GPC6: variants seen among roughly 807,000 people sequenced by gnomAD.
GPC6 encodes glypican-6.
Under a neutral mutation model 55.2 loss-of-function variants are expected in GPC6, and 14 were observed. The ratio of observed to expected loss-of-function variants is 0.25; its 90% CI spans 0.17 to 0.40. The LOEUF is 0.40. Among genes scored for constraint, GPC6 ranks in the 10% least tolerant of loss-of-function variants. The pLI, the probability that GPC6 is intolerant of heterozygous loss-of-function variation, is 1.00. For synonymous variants in GPC6, 278 were observed against 259.6 expected (o/e 1.07, Z -0.68); for missense variants, 641 against 708.5 (o/e 0.90, Z 1.08).
chr13:93,784,842 GAC>G (rs1189601788), intron 2 of GPC6, among the ~76,000 whole-genome samples: 1 of 152,164 alleles, frequency 6.6e-6, no homozygotes, highest in Non-Finnish European at 1.5e-5. Context: ...CCACAGCTGA[GAC>G]ACAGATTGTG....
At chr13:93,675,594 T>G (rs1265528779) in intron 2 of GPC6, among the ~76,000 whole-genome samples, 1 of 152,194 alleles carries the variant, frequency 6.6e-6, no homozygotes, top group East Asian at 1.9e-4. Flanking sequence ...ATCAGCCTTT[T>G]GCATACATTT....
chr13:94,216,913 T>C (rs1890242519), intron 4 of GPC6, among the ~76,000 whole-genome samples: 1 of 152,152 alleles, frequency 6.6e-6, no homozygotes, highest in Admixed American at 6.5e-5. Flanking sequence ...AGCTGAAGAA[T>C]TGGGATTTAA....
intron 1 of GPC6, among the ~76,000 whole-genome samples, chr13:93,248,865 C>G (rs1484009133): frequency 6.6e-6 from 1 of 152,178 alleles, no homozygotes; most frequent in African/African-American, 2.4e-5. Context: ...AGCTGATACG[C>G]CTAACACAAA....
Position 93,782,090 on chromosome 13 carries a change from C to G in GPC6, c.320-48064C>G, listed in dbSNP as rs117356366. Among the ~76,000 whole-genome samples the G allele has an allele frequency of 4.6e-3, 695 of 152,162 alleles. 5 individuals are homozygous for G. The highest frequency in any genetic ancestry group is 0.018 in the South Asian group (87 of 4,808). On this transcript the variant is annotated intron_variant, in intron 2 of 8. Coordinates refer to ENST00000377047, the MANE Select transcript of GPC6 (RefSeq NM_005708.5). The stretch of plus-strand genomic sequence containing the variant: ...CCTTTGATCAACATATTCCCAATCC[C>G]CACACCCTCTAGCCTCTGATAACCA...
At chr13:94,163,118 C>T (rs1888226029) in intron 4 of GPC6, among the ~76,000 whole-genome samples, 2 of 152,160 alleles carry the variant, frequency 1.3e-5, no homozygotes, top group Admixed American at 6.5e-5. Flanking sequence ...ACTAAAGCTA[C>T]TGTATATAAA....
chr13:93,628,579 G>A (rs942442775), intron 2 of GPC6, among the ~76,000 whole-genome samples: 4 of 152,262 alleles, frequency 2.6e-5, no homozygotes, highest in South Asian at 2.1e-4. Flanking sequence ...GGGACCAGCT[G>A]TAGTTAGTCC....
chr13:93,265,784 T>C (rs542913694), intron 1 of GPC6, among the ~76,000 whole-genome samples: 1 of 151,646 alleles, frequency 6.6e-6, no homozygotes, highest in South Asian at 2.1e-4. Flanking sequence ...ATTTTTCTTT[T>C]ATTTCTTTTT....
At chr13:93,697,845 T>C (rs1244726632) in intron 2 of GPC6, among the ~76,000 whole-genome samples, 2 of 152,170 alleles carry the variant, frequency 1.3e-5, no homozygotes, top group African/African-American at 4.8e-5. Flanking sequence ...CCTTTTCTTA[T>C]AATCCATCAA....
intron 1 of GPC6, among the ~76,000 whole-genome samples, chr13:93,539,142 T>C (rs1368684074): frequency 6.6e-6 from 1 of 152,146 alleles, no homozygotes; most frequent in Non-Finnish European, 1.5e-5. Context: ...ATTGTGGATA[T>C]TTGATTTTTG....
intron 1 of GPC6, among the ~76,000 whole-genome samples, chr13:93,414,130 T>C (rs1381222917): frequency 6.6e-6 from 1 of 152,140 alleles, no homozygotes. Context: ...GAAGGAATCT[T>C]AACTAGCGAC....
chr13:94,242,347 G>T (rs1195820236), intron 4 of GPC6, among the ~76,000 whole-genome samples: 1 of 151,884 alleles, frequency 6.6e-6, no homozygotes, highest in African/African-American at 2.4e-5. Context: ...GATTCCTCAG[G>T]GATCTAGAAC....
At chr13:93,731,182 C>T (rs142311815) in intron 2 of GPC6, among the ~76,000 whole-genome samples, 15 of 152,254 alleles carry the variant, frequency 9.9e-5, no homozygotes, top group East Asian at 9.7e-4. Flanking sequence ...AGAGGGCCAT[C>T]GTCTGTAGTC....
intron 7 of GPC6, among the ~76,000 whole-genome samples, chr13:94,386,701 G>T (rs1007128389): frequency 6.6e-6 from 1 of 152,232 alleles, no homozygotes; most frequent in Non-Finnish European, 1.5e-5. Flanking sequence ...TGTCATGCCT[G>T]AAGTTTATAA....
At chr13:93,584,073 T>A (rs994320561) in intron 2 of GPC6, among the ~76,000 whole-genome samples, 8 of 152,122 alleles carry the variant, frequency 5.3e-5, no homozygotes, top group African/African-American at 1.7e-4. Context: ...TCAGTGAAAT[T>A]CAGGAGTTCT....
At chr13:93,835,720 C>A (rs1291522394) in intron 3 of GPC6, among the ~76,000 whole-genome samples, 1 of 152,014 alleles carries the variant, frequency 6.6e-6, no homozygotes, top group Non-Finnish European at 1.5e-5. Flanking sequence ...CCATTGCACT[C>A]CAACCTGGCC....
At chr13:93,586,583 CCCTT>C (rs1566436956) in intron 2 of GPC6, among the ~76,000 whole-genome samples, 1 of 152,076 alleles carries the variant, frequency 6.6e-6, no homozygotes, top group Non-Finnish European at 1.5e-5. Flanking sequence ...GAAACTGGAC[CCCTT>C]CCTTACACCA....
intron 4 of GPC6, among the ~76,000 whole-genome samples, chr13:94,284,247 C>T (rs972313860): frequency 3.3e-5 from 5 of 152,282 alleles, no homozygotes; most frequent in South Asian, 2.1e-4. Context: ...GTCCCAGGGC[C>T]GACAGTTCTG....
intron 6 of GPC6, among the ~76,000 whole-genome samples, chr13:94,356,071 C>A (rs1878778021): frequency 6.6e-6 from 1 of 151,446 alleles, no homozygotes; most frequent in Non-Finnish European, 1.5e-5. Flanking sequence ...CATGTCCCTG[C>A]AAAGGACATG....
At chr13:93,751,215 A>G (rs185266779) in intron 2 of GPC6, among the ~76,000 whole-genome samples, 2 of 152,300 alleles carry the variant, frequency 1.3e-5, no homozygotes, top group African/African-American at 4.8e-5. Flanking sequence ...AGAGGAAGCA[A>G]GCCTGTATGG....
Sources: gnomAD v4.1 joint callset for allele counts (sites outside exome capture counted in the v4.1 genomes callset) on GRCh38, gnomAD v4.1.1 for gene constraint, MANE v1.5 for transcripts, NCBI Gene and HGNC (gene_info 2026-07-23, HGNC 2026-07-21) for gene names.